PITPNM3: variants seen among roughly 807,000 people sequenced by gnomAD.
PITPNM3 encodes the protein membrane-associated phosphatidylinositol transfer protein 3.
Under a neutral mutation model 102.0 loss-of-function variants are expected in PITPNM3, and 26 were observed. That is an observed-to-expected ratio of 0.25 (90% CI 0.19 to 0.35). The LOEUF (loss-of-function observed/expected upper bound fraction) is 0.35. Ranked by LOEUF, PITPNM3 falls within the 10% of genes least tolerant of loss-of-function variation. PITPNM3 has a pLI of 1.00. For synonymous variants in PITPNM3, 578 were observed against 558.6 expected (o/e 1.03, Z -0.49); for missense variants, 1,083 against 1,346.1 (o/e 0.80, Z 3.06).
At chr17:6,543,744 C>T (rs1398754133) in intron 1 of PITPNM3, among the ~76,000 whole-genome samples, 1 of 152,186 alleles carries the variant, frequency 6.6e-6, no homozygotes, top group African/African-American at 2.4e-5. Context: ...AAATTCCACA[C>T]CCACCATGTC....
In PITPNM3 at chr17:6,472,947, TC is replaced by T; in HGVS notation, c.1259-121del. ...TCCCCTCTCAAGAGCCTCCCCGGGC[TC>T]CCTGCTCCCCACGGGAACAAAGCCA... On this transcript the variant is annotated intron_variant, in intron 10 of 19. Coordinates refer to ENST00000262483, the MANE Select transcript of PITPNM3 (RefSeq NM_031220.4). The surrounding 1 kb of genome is among the most constrained non-coding windows in gnomAD (Gnocchi z 4.1). The T allele has an allele frequency of 8.2e-7, 1 of 1,218,340 alleles. No individual in the cohort carries two copies. The highest frequency in any genetic ancestry group is 1.2e-6 in the Non-Finnish European group (1 of 852,562). The allele number at this position is 1,218,340 out of a possible 1,614,324, so 75.5% of individuals were successfully genotyped here.
intron 1 of PITPNM3, among the ~76,000 whole-genome samples, chr17:6,545,974 G>T (rs975739958): frequency 1.3e-5 from 2 of 152,188 alleles, no homozygotes; most frequent in Non-Finnish European, 2.9e-5. Flanking sequence ...ATCTTAGCAA[G>T]GCCCCCTCTC....
In PITPNM3 at chr17:6,457,154, TC is replaced by T. The variant is rs1337894015; in HGVS notation, c.2619+439del. 6.6e-6 allele frequency among the ~76,000 whole-genome samples: 1 copy of T among 151,684 alleles called. No homozygotes were observed. The highest frequency in any genetic ancestry group is 1.5e-5 in the Non-Finnish European group (1 of 67,946). ...CAGAATATACATGTTCTGTGTCACC[TC>T]CTGACCTTGGCTTTTGCTGCTGCCT... On this transcript the variant is annotated intron_variant, in intron 19 of 19. Coordinates refer to ENST00000262483, the MANE Select transcript of PITPNM3 (RefSeq NM_031220.4). This position sits in a 1 kb window ranked among gnomAD's most constrained non-coding sequence, Gnocchi z 4.7.
chr17:6,530,348 T>C (rs561741280), intron 2 of PITPNM3, among the ~76,000 whole-genome samples: 105 of 152,318 alleles, frequency 6.9e-4, no homozygotes, highest in African/African-American at 2.3e-3. Context: ...AAATTTCGTC[T>C]GTAAAATGGG....
At chr17:6,509,725 C>T (rs1907758086) in intron 3 of PITPNM3, among the ~76,000 whole-genome samples, 1 of 152,206 alleles carries the variant, frequency 6.6e-6, no homozygotes, top group Admixed American at 6.5e-5. Flanking sequence ...GACTCACGCT[C>T]ATTACCCTTC....
In PITPNM3 at chr17:6,517,515, C is replaced by G. The variant is rs1053577865; in HGVS notation, c.226+7841G>C. ...CTGTTCAGGGATAGCATAGATAGAG[C>G]TACTGACTTAATCCAAACCCTGGTA... On this transcript the variant is annotated intron_variant, in intron 3 of 19. Coordinates refer to ENST00000262483, the MANE Select transcript of PITPNM3 (RefSeq NM_031220.4). This position sits in a 1 kb window ranked among gnomAD's most constrained non-coding sequence, Gnocchi z 4.1. 3.3e-5 allele frequency among the ~76,000 whole-genome samples: 5 copies of G among 152,160 alleles called. No individual in the cohort carries two copies. The highest frequency in any genetic ancestry group is 1.2e-4 in the African/African-American group (5 of 41,438).
Position 6,458,961 on chromosome 17 carries a change from C to T in PITPNM3, c.2491-1239G>A, listed in dbSNP as rs372011754. On this transcript the variant is annotated intron_variant, in intron 18 of 19. Transcript: ENST00000262483. The surrounding 1 kb of genome is among the most constrained non-coding windows in gnomAD (Gnocchi z 5.1). Reference sequence around the variant, plus strand: ...ACCCCATCCTGCAGGTGACTGCCTTCGATGCTGGACCAAGGAGAGGGCTTC... The same window carrying T: ...ACCCCATCCTGCAGGTGACTGCCTTTGATGCTGGACCAAGGAGAGGGCTTC... Among the ~76,000 whole-genome samples the T allele has an allele frequency of 1.1e-4, 17 of 152,256 alleles. No individual in the cohort carries two copies. The highest frequency in any genetic ancestry group is 9.7e-4 in the East Asian group (5 of 5,168).
chr17:6,493,515 G>A (rs2150594754), intron 4 of PITPNM3, among the ~76,000 whole-genome samples: 1 of 152,338 alleles, frequency 6.6e-6, no homozygotes, highest in Admixed American at 6.5e-5. Flanking sequence ...GACCTGTGCT[G>A]ACCTGCAAGC....
At chr17:6,496,920 C>A (rs1199304613) in intron 4 of PITPNM3, among the ~76,000 whole-genome samples, 3 of 151,996 alleles carry the variant, frequency 2.0e-5, no homozygotes, top group African/African-American at 7.3e-5. Flanking sequence ...TAATGCACAT[C>A]CTCATGAAAG....
At chr17:6,483,457 C>T in intron 6 of PITPNM3, 60 bp downstream of exon 6, 1 of 1,500,608 alleles carries the variant, frequency 6.7e-7, no homozygotes, top group Non-Finnish European at 9.1e-7. Flanking sequence ...GCAGGGGGAG[C>T]CCCTCCACTT....
chr17:6,468,165 G>A lies in PITPNM3; in HGVS notation c.1890+60C>T. Reference sequence around the variant, plus strand: ...CCCATGTGGATGCCCCAGCCCCCGGGCCAGCCCCACCTCCCGGAGGACACA... The same window carrying A: ...CCCATGTGGATGCCCCAGCCCCCGGACCAGCCCCACCTCCCGGAGGACACA... On this transcript the variant is annotated intron_variant, in intron 14 of 19. Coordinates refer to ENST00000262483, the MANE Select transcript of PITPNM3 (RefSeq NM_031220.4). This position sits in a 1 kb window ranked among gnomAD's most constrained non-coding sequence, Gnocchi z 5.2. 1.3e-6 allele frequency: 2 copies of A among 1,545,218 alleles called. No homozygotes were observed. Among genetic ancestry groups the A allele is most frequent in the Middle Eastern group, 2.3e-4 (1 of 4,402 alleles).
In PITPNM3 at chr17:6,470,240, C is replaced by T. The variant is rs755959183; in HGVS notation, c.1773+20G>A. Reference sequence around the variant, plus strand: ...CCCTTGGGGTGGCTGTGGGCAGGCCCGCGACTGCGGCAGCAGTACCTGTCT... The same window carrying T: ...CCCTTGGGGTGGCTGTGGGCAGGCCTGCGACTGCGGCAGCAGTACCTGTCT... On this transcript the variant is annotated intron_variant, in intron 13 of 19. Coordinates refer to ENST00000262483, the MANE Select transcript of PITPNM3 (RefSeq NM_031220.4). The surrounding 1 kb of genome is among the most constrained non-coding windows in gnomAD (Gnocchi z 4.8). 8.8e-6 allele frequency: 14 copies of T among 1,584,910 alleles called. No individual in the cohort carries two copies. The highest frequency in any genetic ancestry group is 2.7e-5 in the African/African-American group (2 of 74,474).
rs1050459475 is a variant in PITPNM3, at chr17:6,472,116, G to T, written c.1429+541C>A. The stretch of plus-strand genomic sequence containing the variant: ...CCCATCGACGATACACTCGGTCCAT[G>T]CCCGGTTCACCCCACTTGACCCTGG... On this transcript the variant is annotated intron_variant, in intron 11 of 19. Coordinates refer to ENST00000262483, the MANE Select transcript of PITPNM3 (RefSeq NM_031220.4). This position sits in a 1 kb window ranked among gnomAD's most constrained non-coding sequence, Gnocchi z 4.1. 2.6e-5 allele frequency among the ~76,000 whole-genome samples: 4 copies of T among 152,264 alleles called. No individual in the cohort carries two copies. Among genetic ancestry groups the T allele is most frequent in the Middle Eastern group, 3.4e-3 (1 of 294 alleles).
chr17:6,538,065 C>A lies in PITPNM3; in HGVS notation c.40G>T (p.Gly14Cys). Residue 14 changes from glycine (G) to cysteine (C), a missense_variant, in exon 2 of 20, where the codon GGC (glycine) becomes TGC (cysteine). This residue lies in a region of PITPNM3 where 290 missense variants were observed against 337.8 expected (regional missense o/e 0.86). Coordinates refer to ENST00000262483, the MANE Select transcript of PITPNM3 (RefSeq NM_031220.4). ...AGRAGGPPPG[G>C]GAPWHLRNVL... ...TTTCGAAGGTGCCAGGGGGCACCGC[C>A]GCCCGGGGGAGGACCACCTGTTAAA... The A allele has an allele frequency of 1.2e-6, 2 of 1,612,428 alleles. No individual in the cohort carries two copies. Among genetic ancestry groups the A allele is most frequent in the Middle Eastern group, 1.7e-4 (1 of 6,056 alleles).
chr17:6,495,362 G>GCTTTTGTTTCCAAAAGCT (rs1408363193), intron 4 of PITPNM3, among the ~76,000 whole-genome samples: 1 of 152,146 alleles, frequency 6.6e-6, no homozygotes, highest in African/African-American at 2.4e-5. Flanking sequence ...GAGCTTCCTG[G>GCTTTTGTTTCCAAAAGCT]CTTTTGTTTC....
chr17:6,536,221 A>T (rs1022182792), intron 2 of PITPNM3, among the ~76,000 whole-genome samples: 1 of 152,196 alleles, frequency 6.6e-6, no homozygotes, highest in African/African-American at 2.4e-5. Context: ...GGGGCCAGGG[A>T]GACAGCCGTC....
intron 14 of PITPNM3, among the ~76,000 whole-genome samples, chr17:6,465,389 C>T (rs1904716655): frequency 6.6e-6 from 1 of 152,230 alleles, no homozygotes. Context: ...GGACAACTGG[C>T]CTCACAGCCT....
At chr17:6,499,930 C>T (rs906268168) in intron 4 of PITPNM3, among the ~76,000 whole-genome samples, 4 of 152,086 alleles carry the variant, frequency 2.6e-5, no homozygotes, top group Admixed American at 6.6e-5. Flanking sequence ...GCGGCTTCAC[C>T]GTGTTCCCCA....
intron 1 of PITPNM3, among the ~76,000 whole-genome samples, chr17:6,548,794 G>A (rs1162063232): frequency 6.6e-6 from 1 of 152,084 alleles, no homozygotes; most frequent in Non-Finnish European, 1.5e-5. Context: ...AGGCAAACAC[G>A]GTGTCAGCAG....
Sources: allele counts gnomAD v4.1 joint callset (sites outside exome capture counted in the v4.1 genomes callset), GRCh38; gene constraint gnomAD v4.1.1; regional missense constraint gnomAD v4.1.1; non-coding constraint Gnocchi (gnomAD v3.1); transcripts MANE v1.5; gene names NCBI Gene and HGNC (gene_info 2026-07-23, HGNC 2026-07-21).